The following MIS18A variants were observed in gnomAD, a reference collection of about 807,000 sequenced individuals.
MIS18A encodes MIS18 kinetochore protein A.
MIS18A carries 14 observed loss-of-function variants against 25.0 expected under a neutral mutation model. The observed-to-expected ratio is 0.56, with a 90% CI of 0.37 to 0.88. The LOEUF (loss-of-function observed/expected upper bound fraction) is 0.88, where lower values mean the gene tolerates loss of function less well. Ranked by LOEUF, MIS18A falls within the 40% of genes least tolerant of loss-of-function variation. MIS18A has a pLI of 0.00. For synonymous variants in MIS18A, 134 were observed against 118.6 expected (o/e 1.13, Z -0.84); for missense variants, 292 against 290.8 (o/e 1.00, Z -0.03).
At chr21:32,178,980 G>A in the MIS18A span, among the ~76,000 whole-genome samples, 2 of 151,986 alleles carry the variant, frequency 1.3e-5, no homozygotes, top group African/African-American at 4.8e-5. Context: ...AACCATTTGA[G>A]TTCCTAATCC....
chr21:32,216,410 C>A, the MIS18A span, among the ~76,000 whole-genome samples: 1 of 152,208 alleles, frequency 6.6e-6, no homozygotes, highest in Non-Finnish European at 1.5e-5. Flanking sequence ...ACCCCACCAA[C>A]AATGCTGTCT....
downstream of MIS18A, among the ~76,000 whole-genome samples, chr21:32,265,547 C>T (rs1341301700): frequency 5.3e-5 from 8 of 152,230 alleles, no homozygotes; most frequent in Admixed American, 2.0e-4. Flanking sequence ...GATTTCTCGC[C>T]AGGCCTTAGC....
At position 32,277,103 on chromosome 21, in the gene MIS18A, G is replaced by A. The variant is rs566402515; in HGVS notation, c.334+1578C>T. Among the ~76,000 whole-genome samples, 518 of 152,228 alleles carry A rather than the reference G, an allele frequency of 3.4e-3. 6 individuals are homozygous for A. Among genetic ancestry groups the A allele is most frequent in the Non-Finnish European group, 3.6e-3 (246 of 67,992 alleles). On this transcript the variant is annotated intron_variant, in intron 1 of 4. Coordinates refer to ENST00000290130, the MANE Select transcript of MIS18A (RefSeq NM_018944.3). ...AATTGGGTAAGGAAGGAATGGAAAT[G>A]AATCCGAGTTCATTTATTTGTCTTT...
the MIS18A span, among the ~76,000 whole-genome samples, chr21:32,171,071 G>A: frequency 1.3e-5 from 2 of 152,036 alleles, no homozygotes; most frequent in Admixed American, 6.5e-5. Context: ...TTAAGGTCAG[G>A]AAGAAGACAA....
chr21:32,256,539 C>T, the MIS18A span, among the ~76,000 whole-genome samples: 1 of 152,080 alleles, frequency 6.6e-6, no homozygotes, highest in African/African-American at 2.4e-5. Flanking sequence ...TCTGTCATCC[C>T]GACTTAATTA....
the MIS18A span, among the ~76,000 whole-genome samples, chr21:32,161,123 C>A: frequency 4.6e-5 from 7 of 152,212 alleles, no homozygotes; most frequent in Admixed American, 2.0e-4. Flanking sequence ...ACAGTACATT[C>A]ATCATAATTA....
the MIS18A span, among the ~76,000 whole-genome samples, chr21:32,191,059 T>C: frequency 2.6e-5 from 4 of 152,220 alleles, no homozygotes; most frequent in Non-Finnish European, 5.9e-5. Context: ...AGTTCAGCCC[T>C]CCAGGCTATC....
downstream of MIS18A, among the ~76,000 whole-genome samples, chr21:32,266,967 A>AAC (rs199958126): frequency 0.12 from 18,501 of 149,428 alleles, 1,283 homozygotes; most frequent in Admixed American, 0.19. Flanking sequence ...GGACAAGTTA[A>AAC]ACACACACAC....
chr21:32,171,983 T>A, the MIS18A span, among the ~76,000 whole-genome samples: 1 of 152,016 alleles, frequency 6.6e-6, no homozygotes, highest in Non-Finnish European at 1.5e-5. Context: ...GGCAAAGGAC[T>A]TGAATAGCCA....
At chr21:32,207,305 G>A in the MIS18A span, among the ~76,000 whole-genome samples, 1 of 152,180 alleles carries the variant, frequency 6.6e-6, no homozygotes, top group African/African-American at 2.4e-5. Context: ...AACAGCTCAG[G>A]GTTGAAAGTC....
the MIS18A span, among the ~76,000 whole-genome samples, chr21:32,219,135 G>T: frequency 1.3e-5 from 2 of 151,452 alleles, no homozygotes; most frequent in Admixed American, 1.3e-4. Context: ...CCAACCAAAA[G>T]AAACAGATTG....
the MIS18A span, among the ~76,000 whole-genome samples, chr21:32,256,996 G>A: frequency 6.6e-6 from 1 of 152,132 alleles, no homozygotes; most frequent in African/African-American, 2.4e-5. Flanking sequence ...CATCAGGACT[G>A]GATTCTCCCA....
At chr21:32,218,192 C>CAAAA in the MIS18A span, among the ~76,000 whole-genome samples, 14 of 56,366 alleles carry the variant, frequency 2.5e-4, no homozygotes, top group Non-Finnish European at 3.3e-4. Flanking sequence ...GACTCCATCT[C>CAAAA]AAAAAAAAAA....
the MIS18A span, among the ~76,000 whole-genome samples, chr21:32,183,426 T>C: frequency 6.6e-6 from 1 of 152,214 alleles, no homozygotes; most frequent in Non-Finnish European, 1.5e-5. Context: ...CCATAATGGA[T>C]TTTGCACCTG....
At chr21:32,204,044 G>T in the MIS18A span, among the ~76,000 whole-genome samples, 103 of 152,290 alleles carry the variant, frequency 6.8e-4, 1 homozygote, top group Middle Eastern at 0.027. Flanking sequence ...TAAAGGGCAG[G>T]ACAAGAACAA....
the MIS18A span, among the ~76,000 whole-genome samples, chr21:32,231,080 T>C: frequency 6.6e-6 from 1 of 151,182 alleles, no homozygotes; most frequent in African/African-American, 2.4e-5. Flanking sequence ...TAACAAAAAA[T>C]ACAAAAATTA....
the MIS18A span, among the ~76,000 whole-genome samples, chr21:32,202,850 T>C: frequency 6.6e-6 from 1 of 152,348 alleles, no homozygotes; most frequent in Admixed American, 6.5e-5. Flanking sequence ...CATATGTATA[T>C]ACCACAGTTT....
At chr21:32,171,901 G>T in the MIS18A span, among the ~76,000 whole-genome samples, 4 of 151,940 alleles carry the variant, frequency 2.6e-5, no homozygotes, top group Non-Finnish European at 5.9e-5. Context: ...ACTTCATACT[G>T]CCAGAAGGAC....
At chr21:32,191,676 G>A in the MIS18A span, among the ~76,000 whole-genome samples, 7 of 152,310 alleles carry the variant, frequency 4.6e-5, no homozygotes, top group South Asian at 1.2e-3. Context: ...GGTCAAGGCG[G>A]GTGGGTCACC....
Sources: gnomAD v4.1 joint callset for allele counts (sites outside exome capture counted in the v4.1 genomes callset) on GRCh38, gnomAD v4.1.1 for gene constraint, MANE v1.5 for transcripts, NCBI Gene and HGNC (gene_info 2026-07-23, HGNC 2026-07-21) for gene names.